Variants in ELFN1 observed in about 807,000 individuals in gnomAD.
The protein encoded by ELFN1 is extracellular leucine rich repeat and fibronectin type III domain containing 1.
A neutral mutation model predicts 7.6 loss-of-function variants in ELFN1; 6 were observed. That is an observed-to-expected ratio of 0.79 (90% CI 0.43 to 1.56). ELFN1 has a LOEUF of 1.56. Among genes scored for constraint, ELFN1 ranks in the 40% most tolerant of loss-of-function variants. ELFN1 has a pLI of 0.01. For missense variants in ELFN1, 1,169 were observed against 1,232.2 expected (o/e 0.95, Z 0.77); for synonymous variants, 657 against 588.1 (o/e 1.12, Z -1.70).
Position 1,671,170 on chromosome 7 carries a change from G to GCCCC in ELFN1, c.-549+824_-549+827dup, listed in dbSNP as rs113308645. Reference sequence around the variant, plus strand: ...GGCACTGCCTGCCGTACCGCACACCGCCCCCCCCCCCATAAAAACGACACC... The same window carrying GCCCC: ...GGCACTGCCTGCCGTACCGCACACCGCCCCCCCCCCCCCCCATAAAAACGACACC... On this transcript the variant is annotated intron_variant, in intron 1 of 3. Coordinates refer to ENST00000424383, the MANE Select transcript of ELFN1 (RefSeq NM_001128636.4). Among the ~76,000 whole-genome samples, 28 of 138,240 alleles carry GCCCC rather than the reference G, an allele frequency of 2.0e-4. 1 individual carries two copies. In the East Asian group the frequency reaches 6.9e-3, roughly 34 times the overall value. The allele number at this position is 138,240 out of a possible 152,430, so 90.7% of individuals were successfully genotyped here. A position where few individuals can be genotyped will look rare whatever the true frequency, so the allele number is the denominator to read the frequency against.
chr7:1,703,948 C>T (rs1046770820), intron 2 of ELFN1, among the ~76,000 whole-genome samples: 4 of 152,154 alleles, frequency 2.6e-5, no homozygotes, highest in African/African-American at 9.7e-5. Flanking sequence ...AAGCAAGGGG[C>T]CGGGAGGGCT....
Position 1,740,734 on chromosome 7 carries a change from C to T in ELFN1, c.-293-3570C>T, listed in dbSNP as rs560077353. ...CCAGCCTCTCCCCCCCGGCCCCTGA[C>T]AGGAGGCTGCACAGGGCTGACTCAC... On this transcript the variant is annotated intron_variant, in intron 3 of 3. Transcript: ENST00000424383. This position sits in a 1 kb window ranked among gnomAD's most constrained non-coding sequence, Gnocchi z 5.0. 1.3e-5 allele frequency among the ~76,000 whole-genome samples: 2 copies of T among 152,206 alleles called. No individual in the cohort carries two copies. The highest frequency in any genetic ancestry group is 2.1e-4 in the South Asian group (1 of 4,830).
At chr7:1,676,990 C>T (rs764838760) in intron 1 of ELFN1, among the ~76,000 whole-genome samples, 2 of 152,152 alleles carry the variant, frequency 1.3e-5, no homozygotes, top group Non-Finnish European at 1.5e-5. Context: ...GGACTGCCGA[C>T]GTCTGAAAGC....
At chr7:1,718,392 G>A (rs1170058163) in intron 3 of ELFN1, among the ~76,000 whole-genome samples, 1 of 152,194 alleles carries the variant, frequency 6.6e-6, no homozygotes, top group South Asian at 2.1e-4. Flanking sequence ...AAGGGAGAGT[G>A]GGTCACCCTC....
In ELFN1 at chr7:1,699,195, C is replaced by T. The variant is rs118184115; in HGVS notation, c.-455-9896C>T. Reference sequence around the variant, plus strand: ...TGATGTATCCCTTCTCTGCTGATGGCCTTTCAGGTTGTTTCTAGTCTGGGC... The same window carrying T: ...TGATGTATCCCTTCTCTGCTGATGGTCTTTCAGGTTGTTTCTAGTCTGGGC... On this transcript the variant is annotated intron_variant, in intron 2 of 3. Transcript: ENST00000424383. 4.4e-3 allele frequency among the ~76,000 whole-genome samples: 676 copies of T among 152,286 alleles called. 5 individuals are homozygous for T. The highest frequency in any genetic ancestry group is 0.014 in the Middle Eastern group (4 of 294).
intron 3 of ELFN1, among the ~76,000 whole-genome samples, chr7:1,743,896 T>C (rs1473218721): frequency 6.6e-6 from 1 of 152,190 alleles, no homozygotes; most frequent in African/African-American, 2.4e-5. Flanking sequence ...GCCAAGCGAC[T>C]TTAGGTCCCA....
In ELFN1 at chr7:1,739,469, T is replaced by TA. The variant is rs1475038765; in HGVS notation, c.-293-4834dup. On this transcript the variant is annotated intron_variant, in intron 3 of 3. Coordinates refer to ENST00000424383, the MANE Select transcript of ELFN1 (RefSeq NM_001128636.4). The surrounding 1 kb of genome is among the most constrained non-coding windows in gnomAD (Gnocchi z 4.6). The stretch of plus-strand genomic sequence containing the variant: ...GGGACGGGAACTTGGAGCAGCCACT[T>TA]AGACGCAACGGGGGAGAATCTTCAA... The TA allele has an allele frequency of 6.6e-6, 1 of 152,536 alleles. No individual in the cohort carries two copies. The highest frequency in any genetic ancestry group is 2.4e-5 in the African/African-American group (1 of 41,374). 9.4% of individuals were successfully genotyped at this position (152,536 alleles called of 1,614,324 possible).
chr7:1,716,378 G>C (rs1779832022), intron 3 of ELFN1, among the ~76,000 whole-genome samples: 1 of 152,218 alleles, frequency 6.6e-6, no homozygotes, highest in East Asian at 1.9e-4. Context: ...GCCCTCTTGG[G>C]GCCCTGGCAT....
chr7:1,706,558 G>A (rs994096508), intron 2 of ELFN1, among the ~76,000 whole-genome samples: 1 of 152,184 alleles, frequency 6.6e-6, no homozygotes, highest in Non-Finnish European at 1.5e-5. Flanking sequence ...GCGTGCCCCC[G>A]GCCTTCCCAG....
At chr7:1,674,048 C>T (rs1778819277) in intron 1 of ELFN1, among the ~76,000 whole-genome samples, 1 of 151,928 alleles carries the variant, frequency 6.6e-6, no homozygotes, top group Admixed American at 6.6e-5. Context: ...GAAACTGAGT[C>T]AGGCGGCGAG....
chr7:1,678,385 C>A (rs1418252452), intron 1 of ELFN1, among the ~76,000 whole-genome samples: 1 of 152,218 alleles, frequency 6.6e-6, no homozygotes, highest in African/African-American at 2.4e-5. Context: ...TGCGGCCCTG[C>A]ATGTCAGTTG....
At chr7:1,711,782 T>C (rs1583347704) in intron 3 of ELFN1, among the ~76,000 whole-genome samples, 1 of 152,060 alleles carries the variant, frequency 6.6e-6, no homozygotes, top group East Asian at 1.9e-4. Flanking sequence ...CCACCTGAAA[T>C]GTGAGGGCGT....
At position 1,737,275 on chromosome 7, in the gene ELFN1, T is replaced by TAA. The variant is rs1164342899; in HGVS notation, c.-293-7028_-293-7027dup. ...TCCCTGCAGGCCCCACGGTGGTCTG[T>TAA]AAGTCCTTCAGGGGCCCCGTGGTTC... On this transcript the variant is annotated intron_variant, in intron 3 of 3. Coordinates refer to ENST00000424383, the MANE Select transcript of ELFN1 (RefSeq NM_001128636.4). 4.6e-5 allele frequency among the ~76,000 whole-genome samples: 7 copies of TAA among 152,186 alleles called. No homozygotes were observed. The East Asian group carries it at 9.7e-4, about 21-fold the overall frequency.
chr7:1,745,858 C>T lies in ELFN1; in HGVS notation c.1262C>T (p.Thr421Ile). 6.3e-7 allele frequency: 1 copy of T among 1,591,146 alleles called. No individual in the cohort carries two copies. Among genetic ancestry groups the T allele is most frequent in the Non-Finnish European group, 8.5e-7 (1 of 1,170,268 alleles). ...TCCACGGCCACCCACTACATCATGA[C>T]CATCCTGGGCTGCCTCTTCGGCATG... ...SPSTATHYIM[T>I]ILGCLFGMVL... The change falls in exon 4 of 4, where the codon ACC becomes ATC. Residue 421 changes from threonine to isoleucine, a missense_variant. This residue lies in a region of ELFN1 where 914 missense variants were observed against 872.6 expected (regional missense o/e 1.05). Coordinates refer to ENST00000424383, the MANE Select transcript of ELFN1 (RefSeq NM_001128636.4).
chr7:1,666,885 C>T (rs1262809454), upstream of ELFN1, among the ~76,000 whole-genome samples: 1 of 151,818 alleles, frequency 6.6e-6, no homozygotes, highest in Non-Finnish European at 1.5e-5. The surrounding 1 kb of genome is among the most constrained non-coding windows in gnomAD (Gnocchi z 7.9). Flanking sequence ...TGGCTGGGCT[C>T]TGCCGACCGC....
At chr7:1,677,632 G>T (rs1583309080) in intron 1 of ELFN1, among the ~76,000 whole-genome samples, 1 of 151,380 alleles carries the variant, frequency 6.6e-6, no homozygotes, top group Non-Finnish European at 1.5e-5. Context: ...AGAGGTGTGT[G>T]CACACCCTCC....
intron 2 of ELFN1, among the ~76,000 whole-genome samples, chr7:1,708,033 C>T (rs1400481915): frequency 1.3e-5 from 2 of 152,024 alleles, no homozygotes; most frequent in Non-Finnish European, 2.9e-5. Context: ...GCACCAACCT[C>T]GCGAACCCCT....
At chr7:1,676,108 T>A (rs1583307476) in intron 1 of ELFN1, among the ~76,000 whole-genome samples, 1 of 152,204 alleles carries the variant, frequency 6.6e-6, no homozygotes, top group Non-Finnish European at 1.5e-5. Flanking sequence ...CTAGACCAGA[T>A]CCCAAGGGAG....
At position 1,746,297 on chromosome 7, in the gene ELFN1, GATC is replaced by G. The variant is rs1219883396; in HGVS notation, c.1706_1708del (p.Ile569del). 6.3e-7 allele frequency: 1 copy of G among 1,595,436 alleles called. No individual in the cohort carries two copies. Among genetic ancestry groups the G allele is most frequent in the Non-Finnish European group, 8.5e-7 (1 of 1,172,068 alleles). ...CCAAGGAGGTGGACAAGGTCAACCA[GATC>G]ATCAACAACTGCATCGACGCGCTCA... On this transcript the variant is annotated inframe_deletion, in exon 4 of 4. Transcript: ENST00000424383.
Sources: gnomAD v4.1 joint callset for allele counts (sites outside exome capture counted in the v4.1 genomes callset) on GRCh38, gnomAD v4.1.1 for gene constraint, gnomAD v4.1.1 regional missense constraint, Gnocchi (gnomAD v3.1) non-coding constraint, MANE v1.5 for transcripts, NCBI Gene and HGNC (gene_info 2026-07-23, HGNC 2026-07-21) for gene names.